MTA3: variants seen among roughly 807,000 people sequenced by gnomAD.
MTA3 encodes metastasis-associated protein MTA3.
Under a neutral mutation model 83.5 loss-of-function variants are expected in MTA3, and 34 were observed. The ratio of observed to expected loss-of-function variants is 0.41; its 90% CI spans 0.31 to 0.54. The LOEUF is 0.54. MTA3 is among the 20% of genes least tolerant of loss of function. MTA3 has a pLI of 0.33. For synonymous variants in MTA3, 303 were observed against 252.7 expected, an observed-to-expected ratio of 1.20 and a Z score of -1.89; for missense variants, 761 against 726.4, an observed-to-expected ratio of 1.05 and a Z score of -0.55.
intron 2 of MTA3, among the ~76,000 whole-genome samples, chr2:42,510,920 A>G (rs904902141): frequency 1.3e-5 from 2 of 152,196 alleles, no homozygotes; most frequent in Admixed American, 1.3e-4. Flanking sequence ...GAAGTTCCCC[A>G]CTGTGTCCTA....
intron 11 of MTA3, chr2:42,702,496 C>T (rs59563517): frequency 3.9e-5 from 6 of 152,308 alleles, no homozygotes; most frequent in African/African-American, 1.4e-4. Flanking sequence ...AGTGGAAGAC[C>T]TTGAGTCAAC....
intron 3 of MTA3, among the ~76,000 whole-genome samples, chr2:42,586,279 G>GAAAAAA (rs571930742): frequency 9.5e-6 from 1 of 104,728 alleles, no homozygotes; most frequent in African/African-American, 3.7e-5. Context: ...CATCTCAAAA[G>GAAAAAA]AAAAAAAAAA....
At chr2:42,523,228 A>ATAGC (rs1347962521) in intron 2 of MTA3, among the ~76,000 whole-genome samples, 6 of 152,138 alleles carry the variant, frequency 3.9e-5, no homozygotes, top group African/African-American at 1.4e-4. Context: ...ATGGGGTTGG[A>ATAGC]TAGCTAGATG....
chr2:42,506,538 G>C (rs1674636624), intron 2 of MTA3, among the ~76,000 whole-genome samples: 1 of 152,056 alleles, frequency 6.6e-6, no homozygotes, highest in Non-Finnish European at 1.5e-5. Context: ...AATGCCGATT[G>C]TGATTCCTTA....
At chr2:42,726,941 C>G (rs570926470) in intron 16 of MTA3, among the ~76,000 whole-genome samples, 5 of 152,228 alleles carry the variant, frequency 3.3e-5, no homozygotes, top group African/African-American at 1.2e-4. Context: ...ACTGGTAATC[C>G]CAGCAACTCT....
At chr2:42,665,280 T>G (rs1690133685) in intron 8 of MTA3, among the ~76,000 whole-genome samples, 1 of 152,120 alleles carries the variant, frequency 6.6e-6, no homozygotes, top group Non-Finnish European at 1.5e-5. Flanking sequence ...TAGTCCCAGC[T>G]ACTCGGGAGG....
chr2:42,686,045 G>A (rs1692337218), intron 9 of MTA3, among the ~76,000 whole-genome samples: 2 of 152,088 alleles, frequency 1.3e-5, no homozygotes, highest in Admixed American at 6.6e-5. Context: ...GGCCTCCTCT[G>A]CTTAAATACT....
At chr2:42,523,556 G>T (rs1458666615) in intron 2 of MTA3, among the ~76,000 whole-genome samples, 1 of 152,184 alleles carries the variant, frequency 6.6e-6, no homozygotes, top group Non-Finnish European at 1.5e-5. Flanking sequence ...CATCTCAGTT[G>T]CTGTGTGAGA....
intron 2 of MTA3, among the ~76,000 whole-genome samples, chr2:42,513,393 TAAAC>T (rs377347361): frequency 1.6e-4 from 24 of 152,112 alleles, no homozygotes; most frequent in African/African-American, 5.5e-4. Context: ...CCTTGGAACT[TAAAC>T]AAAACAAAAC....
chr2:42,567,616 T>C (rs573411634), upstream of MTA3, among the ~76,000 whole-genome samples: 1 of 152,054 alleles, frequency 6.6e-6, no homozygotes, highest in South Asian at 2.1e-4. Flanking sequence ...TTGTGTTCAT[T>C]TGGGGGATCG....
At position 42,579,169 on chromosome 2, in the gene MTA3, C is replaced by T; in HGVS notation, c.159C>T (p.Asn53=). The change falls in exon 3 of 17, where the codon AAC becomes AAT. Residue 53 remains asparagine, a synonymous_variant. Transcript: ENST00000405094. ...TTTATAGACGACGTGATATTTCCAA[C>T]ACACTTATAATGCTCGCAGATAAGC... ...VCFYRRRDIS[N]TLIMLADKHA... The T allele has an allele frequency of 6.2e-7, 1 of 1,606,390 alleles. No individual in the cohort carries two copies. Among genetic ancestry groups the T allele is most frequent in the Non-Finnish European group, 8.5e-7 (1 of 1,176,746 alleles).
At chr2:42,622,168 C>T (rs1417088145) in intron 4 of MTA3, among the ~76,000 whole-genome samples, 7 of 152,122 alleles carry the variant, frequency 4.6e-5, no homozygotes, top group East Asian at 3.9e-4. Context: ...CTCGGGAGGC[C>T]GAGGCTGGCA....
At chr2:42,698,456 G>GATTTT (rs1417997030) in intron 11 of MTA3, 4 of 151,808 alleles carry the variant, frequency 2.6e-5, no homozygotes, top group African/African-American at 9.7e-5. Context: ...AGCACTTTGG[G>GATTTT]GAACCTCGTT....
chr2:42,755,888 C>T lies in MTA3; in HGVS notation c.*2489C>T, dbSNP rs1052600615. ...CTATCTCCCCCTCTGGCTCAGTCAT[C>T]GCCTGCCCACCCTTCACTTCTTAAA... On this transcript the variant is annotated 3_prime_UTR_variant, in exon 17 of 17. Transcript: ENST00000405094. 10 of 985,418 alleles carry T rather than the reference C, an allele frequency of 1.0e-5. No individual in the cohort carries two copies. Among genetic ancestry groups the T allele is most frequent in the East Asian group, 1.1e-4 (1 of 8,818 alleles). 61.0% of individuals were successfully genotyped at this position (985,418 alleles called of 1,614,324 possible).
chr2:42,558,104 G>A (rs889424531), intron 2 of MTA3, among the ~76,000 whole-genome samples: 8 of 151,940 alleles, frequency 5.3e-5, no homozygotes, highest in African/African-American at 1.9e-4. Flanking sequence ...TTTTCACTTG[G>A]CTTTTGGGAC....
At chr2:42,570,568 G>T (rs763049866) in intron 2 of MTA3, 64 bp downstream of exon 2, 14 of 990,124 alleles carry the variant, frequency 1.4e-5, no homozygotes, top group Non-Finnish European at 2.0e-5. Flanking sequence ...TGGGTAATTG[G>T]GTAAAGGGTG....
chr2:42,530,589 G>A (rs570408832), intron 2 of MTA3, among the ~76,000 whole-genome samples: 2 of 151,860 alleles, frequency 1.3e-5, no homozygotes, highest in Non-Finnish European at 2.9e-5. Flanking sequence ...TTTGAGACCA[G>A]TCTGACCAAC....
chr2:42,604,812 C>T (rs1463705794), intron 3 of MTA3, among the ~76,000 whole-genome samples: 1 of 149,188 alleles, frequency 6.7e-6, no homozygotes, highest in East Asian at 1.9e-4. Context: ...CTTCAAGCAT[C>T]TGTTTAACAA....
intron 15 of MTA3, among the ~76,000 whole-genome samples, chr2:42,719,498 T>C (rs1667257494): frequency 6.6e-6 from 1 of 152,214 alleles, no homozygotes; most frequent in South Asian, 2.1e-4. Context: ...ATCAAACTGG[T>C]TTATAACTTA....
Sources: allele counts gnomAD v4.1 joint callset (sites outside exome capture counted in the v4.1 genomes callset), GRCh38; gene constraint gnomAD v4.1.1; transcripts MANE v1.5; gene names NCBI Gene and HGNC (gene_info 2026-07-23, HGNC 2026-07-21).